GPC5: variants seen among roughly 807,000 people sequenced by gnomAD.
The protein encoded by GPC5 is glypican 5.
Under a neutral mutation model 53.9 loss-of-function variants are expected in GPC5, and 47 were observed. The observed-to-expected ratio is 0.87, with a 90% confidence interval of 0.69 to 1.11. GPC5 has a LOEUF of 1.11. GPC5 is among the 50% of genes most tolerant of loss of function. The probability of loss-of-function intolerance (pLI) is 0.00; values close to 1 mark genes in which losing one functional copy is unlikely to be tolerated. For synonymous variants in GPC5, 286 were observed against 263.3 expected (o/e 1.09, Z -0.84); for missense variants, 748 against 713.1 (o/e 1.05, Z -0.56).
intron 7 of GPC5, among the ~76,000 whole-genome samples, chr13:92,256,127 G>A (rs2042724320): frequency 1.3e-5 from 2 of 151,376 alleles, no homozygotes; most frequent in South Asian, 4.2e-4. Flanking sequence ...TGTAAAACTT[G>A]TCAATTTTTA....
chr13:91,608,806 A>G (rs1478496290), intron 2 of GPC5, among the ~76,000 whole-genome samples: 1 of 151,884 alleles, frequency 6.6e-6, no homozygotes, highest in African/African-American at 2.4e-5. Flanking sequence ...GAAAGTTCCA[A>G]ACTGGGATGA....
chr13:91,915,779 T>A (rs1408427887), intron 6 of GPC5, among the ~76,000 whole-genome samples: 2 of 152,190 alleles, frequency 1.3e-5, no homozygotes, highest in Admixed American at 1.3e-4. Context: ...TAATTCATAT[T>A]TCTTTTTAAT....
intron 2 of GPC5, among the ~76,000 whole-genome samples, chr13:91,645,349 A>G (rs1325294535): frequency 6.6e-6 from 1 of 151,990 alleles, no homozygotes; most frequent in Non-Finnish European, 1.5e-5. Context: ...TCTGTTTCTC[A>G]CTTGGGCTTA....
At chr13:91,779,939 T>G (rs1374303166) in intron 5 of GPC5, among the ~76,000 whole-genome samples, 1 of 152,216 alleles carries the variant, frequency 6.6e-6, no homozygotes, top group African/African-American at 2.4e-5. Context: ...AGGTTAAATG[T>G]ATAGTTTAGT....
chr13:92,088,172 T>G (rs1028441139), intron 6 of GPC5, among the ~76,000 whole-genome samples: 2 of 152,192 alleles, frequency 1.3e-5, no homozygotes, highest in Admixed American at 6.5e-5. Context: ...ATCAACCCAA[T>G]GTACAGTAGC....
chr13:92,383,862 C>T (rs1236985949), intron 7 of GPC5, among the ~76,000 whole-genome samples: 1 of 151,920 alleles, frequency 6.6e-6, no homozygotes. Context: ...CCAATAGTAA[C>T]TCTAAGAATG....
At chr13:92,221,104 C>T (rs1196460600) in intron 7 of GPC5, among the ~76,000 whole-genome samples, 1 of 152,128 alleles carries the variant, frequency 6.6e-6, no homozygotes, top group African/African-American at 2.4e-5. Flanking sequence ...CAACTCATGG[C>T]AAAAGCTAGA....
intron 7 of GPC5, among the ~76,000 whole-genome samples, chr13:92,497,723 C>CT (rs1413846857): frequency 2.0e-5 from 3 of 152,058 alleles, no homozygotes; most frequent in African/African-American, 7.2e-5. Context: ...GATATTGATT[C>CT]TTCCTATCCA....
intron 7 of GPC5, among the ~76,000 whole-genome samples, chr13:92,227,343 T>G (rs2139095927): frequency 6.6e-6 from 1 of 152,186 alleles, no homozygotes; most frequent in East Asian, 1.9e-4. Flanking sequence ...TAGGATTAGG[T>G]GAATATTCCC....
intron 5 of GPC5, among the ~76,000 whole-genome samples, chr13:91,897,921 CT>C (rs2039460412): frequency 6.6e-6 from 1 of 152,002 alleles, no homozygotes; most frequent in South Asian, 2.1e-4. Context: ...CTGTGAGCTT[CT>C]TTTTTTACTG....
chr13:91,487,186 A>T (rs1193435955), intron 2 of GPC5, among the ~76,000 whole-genome samples: 1 of 151,994 alleles, frequency 6.6e-6, no homozygotes, highest in Admixed American at 6.6e-5. Context: ...AGGGGTGGAG[A>T]TGGGGGGAAG....
At chr13:92,120,313 A>C (rs1298420720) in intron 6 of GPC5, among the ~76,000 whole-genome samples, 1 of 152,078 alleles carries the variant, frequency 6.6e-6, no homozygotes, top group Non-Finnish European at 1.5e-5. Flanking sequence ...CCCAGGTTGG[A>C]GTTCAGTGGC....
chr13:92,432,161 A>G (rs1222408601), intron 7 of GPC5, among the ~76,000 whole-genome samples: 1 of 152,176 alleles, frequency 6.6e-6, no homozygotes, highest in Non-Finnish European at 1.5e-5. Flanking sequence ...GTGAGGACAC[A>G]GCAAGAAGGT....
At chr13:92,033,248 T>C (rs1207161366) in intron 6 of GPC5, among the ~76,000 whole-genome samples, 3 of 152,120 alleles carry the variant, frequency 2.0e-5, no homozygotes, top group Admixed American at 6.5e-5. Context: ...TGGCACAGAA[T>C]TGAGTCTCAA....
intron 6 of GPC5, among the ~76,000 whole-genome samples, chr13:92,068,680 G>A (rs1434797271): frequency 6.6e-6 from 1 of 151,060 alleles, no homozygotes; most frequent in Non-Finnish European, 1.5e-5. Context: ...AATATTTTCT[G>A]TATCCATTGA....
intron 3 of GPC5, among the ~76,000 whole-genome samples, chr13:91,696,786 T>C (rs561754770): frequency 6.6e-6 from 1 of 152,220 alleles, no homozygotes; most frequent in African/African-American, 2.4e-5. Flanking sequence ...GAAACAAAAG[T>C]TAATTTACAA....
At position 92,182,710 on chromosome 13, in the gene GPC5, C is replaced by CA. The variant is rs369861118; in HGVS notation, c.1561+37730dup. Among the ~76,000 whole-genome samples, 1,150 of 150,676 alleles carry CA rather than the reference C, an allele frequency of 7.6e-3. 8 individuals carry two copies. The highest frequency in any genetic ancestry group is 0.031 in the South Asian group (147 of 4,772). On this transcript the variant is annotated intron_variant, in intron 7 of 7. Transcript: ENST00000377067. ...TGAAACACCGTCTCTACTACAAATA[C>CA]AAAAAAAAATTAGCCGGGCGCGGTG...
chr13:91,991,088 G>A (rs1437764420), intron 6 of GPC5, among the ~76,000 whole-genome samples: 6 of 152,168 alleles, frequency 3.9e-5, no homozygotes, highest in African/African-American at 1.2e-4. Flanking sequence ...GCACCAGCCC[G>A]AGGACACATT....
At chr13:91,955,595 G>C (rs1566361927) in intron 6 of GPC5, among the ~76,000 whole-genome samples, 2 of 152,142 alleles carry the variant, frequency 1.3e-5, no homozygotes, top group Admixed American at 1.3e-4. Flanking sequence ...GGGTAAGTGG[G>C]AGACCCCCAG....
Sources: gnomAD v4.1 joint callset for allele counts (sites outside exome capture counted in the v4.1 genomes callset) on GRCh38, gnomAD v4.1.1 for gene constraint, MANE v1.5 for transcripts, NCBI Gene and HGNC (gene_info 2026-07-23, HGNC 2026-07-21) for gene names.